The following SHANK2 variants were observed in gnomAD, a reference collection of about 807,000 sequenced individuals.
The protein encoded by SHANK2 is SH3 and multiple ankyrin repeat domains protein 2.
Under a neutral mutation model 133.7 loss-of-function variants are expected in SHANK2, and 43 were observed. That is an observed-to-expected ratio of 0.32 (90% CI 0.25 to 0.41). The LOEUF is 0.41. Among genes scored for constraint, SHANK2 ranks in the 10% least tolerant of loss-of-function variants. SHANK2 has a pLI of 1.00. For synonymous variants in SHANK2, 1,017 were observed against 952.8 expected (o/e 1.07, Z -1.24); for missense variants, 1,994 against 2,235.8 (o/e 0.89, Z 2.18).
At chr11:71,183,498 C>A (rs144535111) in intron 2 of SHANK2, among the ~76,000 whole-genome samples, 55 of 152,204 alleles carry the variant, frequency 3.6e-4, no homozygotes, top group African/African-American at 1.3e-3. Flanking sequence ...AAGCTCTAAG[C>A]AAACAGAAAA....
At chr11:70,537,547 C>T (rs1438092703) in intron 17 of SHANK2, among the ~76,000 whole-genome samples, 2 of 152,206 alleles carry the variant, frequency 1.3e-5, no homozygotes, top group African/African-American at 4.8e-5. Context: ...GGCCTCCTCC[C>T]CGGAGTCTTG....
At chr11:70,826,754 G>A (rs1948646401) in intron 11 of SHANK2, 2 of 305,788 alleles carry the variant, frequency 6.5e-6, no homozygotes, top group Non-Finnish European at 1.3e-5. Flanking sequence ...TCTCAAACCC[G>A]GCTACCTCTC....
chr11:70,896,687 CA>C, intron 10 of SHANK2, 120 bp from the exon 11 acceptor site: 1 of 628,112 alleles, frequency 1.6e-6, no homozygotes, highest in Non-Finnish European at 2.9e-6. Flanking sequence ...TTTAAAATGG[CA>C]GCCGCAATAT....
chr11:70,806,506 T>C (rs1276176946), intron 13 of SHANK2, among the ~76,000 whole-genome samples: 1 of 152,206 alleles, frequency 6.6e-6, no homozygotes, highest in Non-Finnish European at 1.5e-5. Context: ...GTGTTGACAA[T>C]GGCCCCCCCA....
intron 14 of SHANK2, among the ~76,000 whole-genome samples, chr11:70,759,223 G>A (rs1555039664): frequency 6.6e-6 from 1 of 151,784 alleles, no homozygotes; most frequent in African/African-American, 2.4e-5. Context: ...GCCGGGCACA[G>A]TGGCTCACAC....
chr11:70,893,690 C>T (rs190067349), intron 11 of SHANK2, among the ~76,000 whole-genome samples: 13 of 152,248 alleles, frequency 8.5e-5, no homozygotes, highest in African/African-American at 2.9e-4. Flanking sequence ...GCACAAGGAA[C>T]CGCATGGGCA....
At chr11:70,838,918 A>T (rs1948862698) in intron 11 of SHANK2, among the ~76,000 whole-genome samples, 1 of 152,144 alleles carries the variant, frequency 6.6e-6, no homozygotes, top group South Asian at 2.1e-4. Flanking sequence ...TGTGGGCCTT[A>T]CAAGGGTGGG....
intron 17 of SHANK2, among the ~76,000 whole-genome samples, chr11:70,578,906 C>T (rs138426737): frequency 2.9e-4 from 44 of 152,322 alleles, no homozygotes; most frequent in African/African-American, 4.1e-4. Flanking sequence ...TCCCTGGCCT[C>T]CCCACAGGAT....
At chr11:71,106,112 A>G (rs1233919866) in intron 6 of SHANK2, among the ~76,000 whole-genome samples, 2 of 152,254 alleles carry the variant, frequency 1.3e-5, no homozygotes, top group Non-Finnish European at 2.9e-5. Flanking sequence ...CAGTACTTCT[A>G]TTCAATTTTC....
intron 17 of SHANK2, among the ~76,000 whole-genome samples, chr11:70,562,823 C>T (rs2059922461): frequency 6.6e-6 from 1 of 152,078 alleles, no homozygotes; most frequent in Non-Finnish European, 1.5e-5. Context: ...GTATATTTTG[C>T]CCACCCCCGC....
chr11:71,145,381 C>G (rs72957697), intron 3 of SHANK2, among the ~76,000 whole-genome samples: 33,411 of 152,154 alleles, frequency 0.22, 3,895 homozygotes, highest in South Asian at 0.3. Flanking sequence ...GCATTCAAAG[C>G]TGTCCTGGGC....
intron 15 of SHANK2, among the ~76,000 whole-genome samples, chr11:70,682,804 G>A (rs981119155): frequency 5.3e-5 from 8 of 152,152 alleles, no homozygotes; most frequent in Non-Finnish European, 2.9e-5. Flanking sequence ...AGCAGCCGTG[G>A]ATGGAAGAAA....
At chr11:70,767,263 A>T (rs1021508389) in intron 14 of SHANK2, among the ~76,000 whole-genome samples, 20 of 152,258 alleles carry the variant, frequency 1.3e-4, no homozygotes, top group African/African-American at 4.8e-4. Context: ...TCTGGGCTCA[A>T]GATCCCAGAA....
At chr11:71,165,752 C>T (rs560521376) in intron 2 of SHANK2, among the ~76,000 whole-genome samples, 4 of 152,174 alleles carry the variant, frequency 2.6e-5, no homozygotes, top group Non-Finnish European at 5.9e-5. Flanking sequence ...GAACTGGCAA[C>T]ATCTTTTACG....
intron 3 of SHANK2, among the ~76,000 whole-genome samples, chr11:71,121,887 A>G (rs1420648936): frequency 2.0e-5 from 3 of 152,250 alleles, no homozygotes; most frequent in African/African-American, 7.2e-5. Flanking sequence ...CAACAGACAC[A>G]TGAAAAAATG....
intron 14 of SHANK2, among the ~76,000 whole-genome samples, chr11:70,791,119 A>C (rs1947777702): frequency 6.6e-6 from 1 of 152,220 alleles, no homozygotes; most frequent in South Asian, 2.1e-4. Context: ...GTAGCAGCTG[A>C]CATTGAGCTA....
At chr11:70,925,224 C>T (rs571142184) in intron 10 of SHANK2, among the ~76,000 whole-genome samples, 1 of 152,238 alleles carries the variant, frequency 6.6e-6, no homozygotes, top group Admixed American at 6.5e-5. Flanking sequence ...TAAATATATG[C>T]CCTATTTCAT....
At chr11:71,190,569 G>T (rs1182749921) in intron 2 of SHANK2, among the ~76,000 whole-genome samples, 1 of 152,228 alleles carries the variant, frequency 6.6e-6, no homozygotes, top group South Asian at 2.1e-4. Flanking sequence ...AAGAGAAAGT[G>T]CGTCACCACC....
rs559703705 is a variant in SHANK2, at chr11:70,888,409, A to T, written c.1174+8092T>A. On this transcript the variant is annotated intron_variant, in intron 11 of 25. Transcript: ENST00000601538. ...TGGACTCTGAAAATGTTCGAGTCAGATAAAACATTGCCCTCTCGCAAACAC... is the reference window on the plus strand; with the variant it reads ...TGGACTCTGAAAATGTTCGAGTCAGTTAAAACATTGCCCTCTCGCAAACAC... Among the ~76,000 whole-genome samples the T allele has an allele frequency of 2.0e-5, 3 of 152,302 alleles. No individual in the cohort carries two copies. The South Asian group carries it at 6.2e-4, about 32-fold the overall frequency.
Sources: gnomAD v4.1 joint callset for allele counts (sites outside exome capture counted in the v4.1 genomes callset) on GRCh38, gnomAD v4.1.1 for gene constraint, MANE v1.5 for transcripts, NCBI Gene and HGNC (gene_info 2026-07-23, HGNC 2026-07-21) for gene names.